THSD4: variants seen among roughly 807,000 people sequenced by gnomAD.
THSD4 encodes thrombospondin type-1 domain-containing protein 4.
Under a neutral mutation model 119.0 loss-of-function variants are expected in THSD4, and 69 were observed. The ratio of observed to expected loss-of-function variants is 0.58; its 90% CI spans 0.48 to 0.71. The LOEUF is 0.71. THSD4 is among the 30% of genes least tolerant of loss of function. The probability of loss-of-function intolerance (pLI) is 0.00; values close to 1 mark genes in which losing one functional copy is unlikely to be tolerated. For synonymous variants in THSD4, 524 were observed against 540.4 expected (o/e 0.97, Z 0.42); for missense variants, 1,393 against 1,391.1 (o/e 1.00, Z -0.02).
At chr15:71,199,524 T>G (rs1415550430) in intron 3 of THSD4, among the ~76,000 whole-genome samples, 1 of 119,306 alleles carries the variant, frequency 8.4e-6, no homozygotes, top group Non-Finnish European at 1.7e-5. Context: ...GGGGTGTGTG[T>G]GGGGTGTGTG....
chr15:71,124,155 G>T (rs904623346), intron 1 of THSD4, among the ~76,000 whole-genome samples: 6 of 152,100 alleles, frequency 3.9e-5, no homozygotes, highest in Non-Finnish European at 5.9e-5. Context: ...CTTGGAAAGG[G>T]CCAAACATTA....
chr15:71,583,956 T>A (rs1185320138), intron 7 of THSD4, among the ~76,000 whole-genome samples: 2 of 152,186 alleles, frequency 1.3e-5, no homozygotes, highest in African/African-American at 4.8e-5. Flanking sequence ...CTGTTCCTTA[T>A]GGATTTTCTG....
chr15:71,689,940 C>T (rs1162676658), intron 8 of THSD4, among the ~76,000 whole-genome samples: 1 of 152,186 alleles, frequency 6.6e-6, no homozygotes, highest in Non-Finnish European at 1.5e-5. Context: ...CAACCCTGAA[C>T]AGGTCTTGCT....
chr15:71,544,139 G>A (rs2048802328), intron 7 of THSD4, among the ~76,000 whole-genome samples: 1 of 152,190 alleles, frequency 6.6e-6, no homozygotes, highest in Non-Finnish European at 1.5e-5. Flanking sequence ...TAGAATATAG[G>A]AATTTAGGAG....
chr15:71,310,945 G>A (rs576673397), intron 6 of THSD4, among the ~76,000 whole-genome samples: 7 of 152,202 alleles, frequency 4.6e-5, no homozygotes, highest in South Asian at 2.1e-4. Flanking sequence ...CCCCCACAAC[G>A]TGCCAGTTAT....
intron 13 of THSD4, among the ~76,000 whole-genome samples, chr15:71,747,341 G>A (rs1242529745): frequency 6.6e-6 from 1 of 152,190 alleles, no homozygotes; most frequent in Non-Finnish European, 1.5e-5. Context: ...TGCTGGTAGA[G>A]CCAACTCCTT....
intron 7 of THSD4, among the ~76,000 whole-genome samples, chr15:71,425,898 G>T (rs1463680271): frequency 2.0e-5 from 3 of 152,120 alleles, no homozygotes; most frequent in Admixed American, 6.5e-5. Context: ...GGCCTTGAAG[G>T]TCAGGGAGAA....
Position 71,737,796 on chromosome 15 carries a change from GAGGA to G in THSD4, c.1697_1700del (p.Arg566ThrfsTer96). 1 of 1,614,236 alleles carries G rather than the reference GAGGA, an allele frequency of 6.2e-7. No homozygotes were observed. The highest frequency in any genetic ancestry group is 8.5e-7 in the Non-Finnish European group (1 of 1,180,022). On this transcript the variant is annotated frameshift_variant, in exon 11 of 18. Coordinates refer to ENST00000261862, the MANE Select transcript of THSD4 (RefSeq NM_024817.3). LOFTEE classifies it high-confidence loss of function. The stretch of plus-strand genomic sequence containing the variant: ...GCCAGGAGGAGGGAGAACAGAAAGG[GAGGA>G]ACGAGGAGAAGGAAGACTTGCGTGG...
At chr15:71,649,718 AGGGTTTTGGCAGTTTG>A (rs1389541390) in intron 7 of THSD4, among the ~76,000 whole-genome samples, 1 of 152,190 alleles carries the variant, frequency 6.6e-6, no homozygotes, top group African/African-American at 2.4e-5. Flanking sequence ...GTTGTCTTCC[AGGGTTTTGGCAGTTTG>A]GGGTTTTACA....
At chr15:71,524,118 TCCA>T (rs2048481484) in intron 7 of THSD4, among the ~76,000 whole-genome samples, 1 of 152,156 alleles carries the variant, frequency 6.6e-6, no homozygotes, top group African/African-American at 2.4e-5. Flanking sequence ...CTCGATGGCA[TCCA>T]CCCTCTGAGA....
chr15:71,448,193 A>T (rs2047214452), intron 7 of THSD4, among the ~76,000 whole-genome samples: 1 of 152,218 alleles, frequency 6.6e-6, no homozygotes, highest in Non-Finnish European at 1.5e-5. Context: ...GTCTTGTATT[A>T]TATACTAGAA....
chr15:71,519,046 A>G (rs1379724250), intron 7 of THSD4, among the ~76,000 whole-genome samples: 1 of 152,240 alleles, frequency 6.6e-6, no homozygotes, highest in East Asian at 1.9e-4. Flanking sequence ...GAGTAAAGCA[A>G]TAGTGAATAT....
At chr15:71,162,228 T>G (rs1209222031) in intron 3 of THSD4, among the ~76,000 whole-genome samples, 1 of 152,060 alleles carries the variant, frequency 6.6e-6, no homozygotes, top group Non-Finnish European at 1.5e-5. Flanking sequence ...TGGTTTTGTA[T>G]TTTCACATGT....
rs72740644 is a variant in THSD4, at chr15:71,608,671, G to A, written c.1153-51859G>A. Among the ~76,000 whole-genome samples, 169 of 152,202 alleles carry A rather than the reference G, an allele frequency of 1.1e-3. 2 individuals are homozygous for A. The highest frequency in any genetic ancestry group is 4.1e-3 in the Admixed American group (62 of 15,288). On this transcript the variant is annotated intron_variant, in intron 7 of 17. Coordinates refer to ENST00000261862, the MANE Select transcript of THSD4 (RefSeq NM_024817.3). ...GTCAGAGGCCATGAGCATTTTAAGTGTCTTGATCCCTATCAAAGGTAAATG... is the reference window on the plus strand; with the variant it reads ...GTCAGAGGCCATGAGCATTTTAAGTATCTTGATCCCTATCAAAGGTAAATG...
At chr15:71,241,617 C>T (rs1191905265) in intron 4 of THSD4, among the ~76,000 whole-genome samples, 1 of 152,202 alleles carries the variant, frequency 6.6e-6, no homozygotes, top group African/African-American at 2.4e-5. Context: ...TTTTTACCTG[C>T]TCACCAGAGC....
intron 6 of THSD4, among the ~76,000 whole-genome samples, chr15:71,357,562 A>G (rs577129510): frequency 6.6e-6 from 1 of 152,306 alleles, no homozygotes; most frequent in African/African-American, 2.4e-5. Context: ...GAGGCTATGC[A>G]GAGCCCCACG....
intron 6 of THSD4, among the ~76,000 whole-genome samples, chr15:71,344,285 C>G (rs982329069): frequency 6.6e-6 from 1 of 151,952 alleles, no homozygotes; most frequent in Admixed American, 6.5e-5. Flanking sequence ...CCTCGTGATC[C>G]ACCCGCCTCG....
At chr15:71,417,331 C>T (rs1234085627) in intron 7 of THSD4, among the ~76,000 whole-genome samples, 1 of 107,330 alleles carries the variant, frequency 9.3e-6, no homozygotes, top group East Asian at 3.1e-4. Context: ...CCAGAGAGTT[C>T]CCCCAATGTT....
At chr15:71,551,666 A>G (rs981470441) in intron 7 of THSD4, among the ~76,000 whole-genome samples, 1 of 152,040 alleles carries the variant, frequency 6.6e-6, no homozygotes, top group Admixed American at 6.6e-5. Flanking sequence ...TTTCCCAGGG[A>G]AGGCACGCAG....
Sources: gnomAD v4.1 joint callset for allele counts (sites outside exome capture counted in the v4.1 genomes callset) on GRCh38, gnomAD v4.1.1 for gene constraint, MANE v1.5 for transcripts, NCBI Gene and HGNC (gene_info 2026-07-23, HGNC 2026-07-21) for gene names.